ALK: variants seen among roughly 807,000 people sequenced by gnomAD.
ALK encodes the protein ALK receptor tyrosine kinase.
In ALK, 74 loss-of-function variants were observed where a neutral mutation model predicts 163.1. The ratio of observed to expected loss-of-function variants is 0.45; its 90% confidence interval spans 0.38 to 0.55. ALK has a LOEUF of 0.55. Among genes scored for constraint, ALK ranks in the 20% least tolerant of loss-of-function variants. The pLI is 0.00. For missense variants in ALK, 2,063 were observed against 2,105.3 expected, an observed-to-expected ratio of 0.98 and a Z score of 0.39; for synonymous variants, 960 against 843.2, an observed-to-expected ratio of 1.14 and a Z score of -2.40.
intron 3 of ALK, among the ~76,000 whole-genome samples, chr2:29,678,039 C>G (rs1418904139): frequency 6.6e-6 from 1 of 151,708 alleles, no homozygotes; most frequent in Non-Finnish European, 1.5e-5. Flanking sequence ...GAAATCTGTC[C>G]CTTTTATCTA....
rs1573518798 is a variant in ALK at position 29,638,472 on chromosome 2, G to C, written c.952+56378C>G. ...AGCCAGGACAGCTTCGAGTGTCAGG[G>C]AACTTGTTTGTGGCAATGACCACAG... On this transcript the variant is annotated intron_variant, in intron 3 of 28. Coordinates refer to ENST00000389048, the MANE Select transcript of ALK (RefSeq NM_004304.5). 4.4e-5 allele frequency among the ~76,000 whole-genome samples: 6 copies of C among 136,712 alleles called. 1 individual carries two copies. The Admixed American group carries it at 4.8e-4, about 11-fold the overall frequency. 89.7% of individuals were successfully genotyped at this position (136,712 alleles called of 152,430 possible).
At chr2:29,812,475 T>C (rs1179877340) in intron 1 of ALK, among the ~76,000 whole-genome samples, 1 of 152,026 alleles carries the variant, frequency 6.6e-6, no homozygotes, top group Non-Finnish European at 1.5e-5. Context: ...AGGAGGGAAA[T>C]AAGGCTACTA....
intron 2 of ALK, 85 bp from the exon 3 acceptor site, chr2:29,695,099 G>A (rs1678516621): frequency 6.7e-7 from 1 of 1,488,162 alleles, no homozygotes; most frequent in Non-Finnish European, 9.3e-7. Flanking sequence ...TAGGAGGTTG[G>A]CCTTCATCTC....
chr2:29,827,518 T>C (rs1466809596), intron 1 of ALK, among the ~76,000 whole-genome samples: 1 of 152,206 alleles, frequency 6.6e-6, no homozygotes, highest in Non-Finnish European at 1.5e-5. Flanking sequence ...TTATCCTACT[T>C]AGACCAATCT....
chr2:29,541,681 A>C (rs1387394368), intron 3 of ALK, among the ~76,000 whole-genome samples: 14 of 152,184 alleles, frequency 9.2e-5, no homozygotes, highest in African/African-American at 3.4e-4. Context: ...CATATTTTCA[A>C]ATGGCTGCTT....
rs78149624 is a variant in ALK, at chr2:29,804,004, A to G, written c.668-86307T>C. Among the ~76,000 whole-genome samples, 15 of 152,362 alleles carry G rather than the reference A, an allele frequency of 9.8e-5. No homozygotes were observed. The East Asian group carries it at 2.9e-3, about 29-fold the overall frequency. On this transcript the variant is annotated intron_variant, in intron 1 of 28. Coordinates refer to ENST00000389048, the MANE Select transcript of ALK (RefSeq NM_004304.5). ...ACATAATATACATATGTTCAGTATT[A>G]GAAGCTGAATGAGAAAGACCAAGTC...
chr2:29,215,278 G>A (rs1669572182), intron 23 of ALK, among the ~76,000 whole-genome samples: 1 of 152,322 alleles, frequency 6.6e-6, no homozygotes, highest in Middle Eastern at 3.4e-3. Context: ...TGGGGTCTGG[G>A]TGCAGGCTTA....
At chr2:29,741,951 C>T (rs1680072534) in intron 1 of ALK, among the ~76,000 whole-genome samples, 1 of 152,208 alleles carries the variant, frequency 6.6e-6, no homozygotes, top group Admixed American at 6.5e-5. Context: ...GTTTCAATCA[C>T]CCATGAAAAA....
intron 8 of ALK, among the ~76,000 whole-genome samples, chr2:29,312,526 C>T (rs551359437): frequency 1.1e-4 from 16 of 152,204 alleles, no homozygotes; most frequent in Middle Eastern, 3.4e-3. Flanking sequence ...CAGGAGATGG[C>T]GTGGCTGTTG....
intron 4 of ALK, among the ~76,000 whole-genome samples, chr2:29,404,995 C>T (rs6547924): frequency 0.54 from 82,846 of 152,014 alleles, 24,193 homozygotes; most frequent in East Asian, 0.96. Context: ...ATGCCCTAGA[C>T]GGAGACAATG....
At chr2:29,429,795 C>G (rs1003058619) in intron 4 of ALK, among the ~76,000 whole-genome samples, 1 of 151,922 alleles carries the variant, frequency 6.6e-6, no homozygotes, top group Non-Finnish European at 1.5e-5. Flanking sequence ...TAAGAAGAAC[C>G]AAGTAGGAGA....
chr2:29,684,543 G>A (rs970771511), intron 3 of ALK, among the ~76,000 whole-genome samples: 2 of 152,188 alleles, frequency 1.3e-5, no homozygotes, highest in Non-Finnish European at 2.9e-5. Context: ...GCCTTGGACA[G>A]CACTCCTCAA....
In ALK at chr2:29,777,940, C is replaced by T. The variant is rs1018474736; in HGVS notation, c.668-60243G>A. 7.7e-4 allele frequency among the ~76,000 whole-genome samples: 118 copies of T among 152,304 alleles called. 2 individuals are homozygous for T. The highest frequency in any genetic ancestry group is 7.5e-3 in the Admixed American group (115 of 15,304). On this transcript the variant is annotated intron_variant, in intron 1 of 28. Transcript: ENST00000389048. Reference sequence around the variant, plus strand: ...CAGGCCCTTGCTTTCTGAGCCATCCCAATACACCAGTCCAGCCTTCCACCT... The same window carrying T: ...CAGGCCCTTGCTTTCTGAGCCATCCTAATACACCAGTCCAGCCTTCCACCT...
At chr2:29,807,373 A>G (rs1572395348) in intron 1 of ALK, among the ~76,000 whole-genome samples, 1 of 152,218 alleles carries the variant, frequency 6.6e-6, no homozygotes, top group African/African-American at 2.4e-5. Context: ...ATCTGTCTGA[A>G]AACATTACTC....
intron 2 of ALK, among the ~76,000 whole-genome samples, chr2:29,714,170 A>G (rs989565961): frequency 1.3e-5 from 2 of 152,184 alleles, no homozygotes; most frequent in Non-Finnish European, 2.9e-5. Flanking sequence ...AAAAAGAAAA[A>G]TAAAGTCTTT....
intron 9 of ALK, among the ~76,000 whole-genome samples, chr2:29,293,453 A>G (rs990190572): frequency 6.6e-6 from 1 of 152,228 alleles, no homozygotes; most frequent in Non-Finnish European, 1.5e-5. Context: ...AAAGAGTGAT[A>G]AATTATTATA....
chr2:29,580,571 G>A (rs1443405760), intron 3 of ALK, among the ~76,000 whole-genome samples: 1 of 152,190 alleles, frequency 6.6e-6, no homozygotes, highest in African/African-American at 2.4e-5. Context: ...CGTTATTACA[G>A]TCCATGCAGA....
chr2:29,481,404 T>C (rs2148118398), intron 4 of ALK, among the ~76,000 whole-genome samples: 1 of 152,384 alleles, frequency 6.6e-6, no homozygotes, highest in East Asian at 1.9e-4. Flanking sequence ...ATAAGATTCC[T>C]GGAAACTACA....
At chr2:29,694,710 A>T (rs997797558) in intron 3 of ALK, 140 bp downstream of exon 3, 1 of 1,149,210 alleles carries the variant, frequency 8.7e-7, no homozygotes, top group Non-Finnish European at 1.3e-6. Context: ...CCAAGAAGCC[A>T]TGGAAAGTCA....
Sources: gnomAD v4.1 joint callset for allele counts (sites outside exome capture counted in the v4.1 genomes callset) on GRCh38, gnomAD v4.1.1 for gene constraint, MANE v1.5 for transcripts, NCBI Gene and HGNC (gene_info 2026-07-23, HGNC 2026-07-21) for gene names.